The following NUP107 variants were observed in gnomAD, a reference collection of about 807,000 sequenced individuals.
NUP107 encodes nucleoporin 107, also known as nuclear pore complex protein Nup107.
A neutral mutation model predicts 141.0 loss-of-function variants in NUP107; 101 were observed. The observed-to-expected ratio is 0.72, with a 90% confidence interval of 0.61 to 0.84. The LOEUF (loss-of-function observed/expected upper bound fraction) is 0.84, where lower values mean the gene tolerates loss of function less well. Ranked by LOEUF, NUP107 falls within the 40% of genes least tolerant of loss-of-function variation. The pLI is 0.00. For synonymous variants in NUP107, 319 were observed against 363.9 expected, an observed-to-expected ratio of 0.88 and a Z score of 1.41; for missense variants, 941 against 1,102.7, an observed-to-expected ratio of 0.85 and a Z score of 2.08.
Position 68,690,891 on chromosome 12 carries a change from T to A in NUP107, c.303+145T>A, listed in dbSNP as rs1875752526. On this transcript the variant is annotated intron_variant, in intron 4 of 27. Coordinates refer to ENST00000229179, the MANE Select transcript of NUP107 (RefSeq NM_020401.4). Reference sequence around the variant, plus strand: ...AGTCAGGAGTTTGAGACTAGCCTGCTTAGCATGATAAAACCCTGTCTCTAC... The same window carrying A: ...AGTCAGGAGTTTGAGACTAGCCTGCATAGCATGATAAAACCCTGTCTCTAC... 3 of 712,008 alleles carry A rather than the reference T, an allele frequency of 4.2e-6. No homozygotes were observed. The South Asian group carries it at 6.0e-5, about 14-fold the overall frequency. 44.1% of individuals were successfully genotyped at this position (712,008 alleles called of 1,614,324 possible). A position where few individuals can be genotyped will look rare whatever the true frequency, so the allele number is the denominator to read the frequency against.
rs1565692864 is a variant in NUP107 at position 68,710,052 on chromosome 12, A to G, written c.849A>G (p.Glu283=). The change falls in exon 10 of 28, where the codon GAA becomes GAG. Residue 283 remains glutamate (E), a synonymous_variant. Coordinates refer to ENST00000229179, the MANE Select transcript of NUP107 (RefSeq NM_020401.4). The part of the protein sequence containing the change: ...LESIAKDEIG[E]FSDNIEFYAK... ...GTATTGCCAAAGATGAAATTGGAGAATTTTCTGATAATATTGAGTTTTATG... is the reference window on the plus strand; with the variant it reads ...GTATTGCCAAAGATGAAATTGGAGAGTTTTCTGATAATATTGAGTTTTATG... 4 of 1,598,092 alleles carry G rather than the reference A, an allele frequency of 2.5e-6. No homozygotes were observed. In the East Asian group the frequency reaches 9.0e-5, roughly 36 times the overall value.
At chr12:68,709,888 C>CAA (rs61024131) in intron 9 of NUP107, 117 bp from the exon 10 acceptor site, 2,840 of 486,620 alleles carry the variant, frequency 5.8e-3, no homozygotes, top group South Asian at 0.014. Flanking sequence ...GACTCTTTCT[C>CAA]AAAAAAAAAA....
chr12:68,722,130 A>C lies in NUP107; in HGVS notation c.1484A>C (p.Glu495Ala). ...ANWTLEKVFE[E>A]LQATDKKRVL... is the part of the protein sequence containing the mutation. ...TGGACGTTAGAAAAGGTTTTTGAGG[A>C]ACTTCAAGCTACTGACAAAAAGGTA... is the stretch of plus-strand genomic sequence containing the variant. The change falls in exon 17 of 28, where the codon GAA (glutamate) becomes GCA (alanine). Residue 495 changes from glutamate (E) to alanine (A), a missense_variant. Coordinates refer to ENST00000229179, the MANE Select transcript of NUP107 (RefSeq NM_020401.4). 6.2e-7 allele frequency: 1 copy of C among 1,613,712 alleles called. No homozygotes were observed. Among genetic ancestry groups the C allele is most frequent in the Non-Finnish European group, 8.5e-7 (1 of 1,179,850 alleles).
At chr12:68,713,434 G>T (rs1441610047) in intron 10 of NUP107, among the ~76,000 whole-genome samples, 2 of 150,968 alleles carry the variant, frequency 1.3e-5, no homozygotes, top group South Asian at 2.1e-4. Flanking sequence ...CCACAGACTG[G>T]GATGTGTAGT....
At chr12:68,701,511 G>C (rs977248777) in intron 7 of NUP107, among the ~76,000 whole-genome samples, 1 of 151,868 alleles carries the variant, frequency 6.6e-6, no homozygotes, top group Non-Finnish European at 1.5e-5. Context: ...GTAGAACGCT[G>C]TCTCTACTAA....
intron 7 of NUP107, 33 bp downstream of exon 7, chr12:68,700,886 A>C: frequency 6.6e-7 from 1 of 1,522,680 alleles, no homozygotes. Flanking sequence ...AGTGAAATAA[A>C]CATAAGGTAA....
chr12:68,689,155 A>G, intron 2 of NUP107, 102 bp downstream of exon 2: 1 of 840,572 alleles, frequency 1.2e-6, no homozygotes, highest in Non-Finnish European at 1.8e-6. Context: ...TAGCTATAAT[A>G]AAATCCTGTA....
chr12:68,724,810 C>T (rs1202037042), intron 17 of NUP107, among the ~76,000 whole-genome samples: 2 of 151,874 alleles, frequency 1.3e-5, no homozygotes, highest in Admixed American at 6.6e-5. Context: ...AAAAAAACCA[C>T]ACTGAAAGCA....
rs771067571 is a variant in NUP107, at chr12:68,735,231, A to T, written c.2389A>T (p.Met797Leu). 1 of 1,601,492 alleles carries T rather than the reference A, an allele frequency of 6.2e-7. No homozygotes were observed. The highest frequency in any genetic ancestry group is 1.3e-5 in the African/African-American group (1 of 74,636). Residue 797 changes from methionine (M) to leucine (L), a missense_variant and splice_region_variant, in exon 26 of 28, where the codon ATG becomes TTG. Transcript: ENST00000229179. The part of the protein sequence containing the change: ...AHEHKEKKYE[M>L]DFGIWKGHLD... ...TGTCTGCCTTGTGTTTGTTTTGCAGATGGATTTTGGTATTTGGAAAGGGCA... is the reference window on the plus strand; with the variant it reads ...TGTCTGCCTTGTGTTTGTTTTGCAGTTGGATTTTGGTATTTGGAAAGGGCA...
chr12:68,714,438 C>G (rs914760562), intron 11 of NUP107: 7 of 152,200 alleles, frequency 4.6e-5, no homozygotes, highest in African/African-American at 1.7e-4. Flanking sequence ...CAGGCAACAG[C>G]TGAAAATCGT....
rs191080696 is a variant in NUP107 at position 68,711,507 on chromosome 12, G to A, written c.890+1414G>A. ...GCCAAGATCGCTCCACTGCACTCCA[G>A]CCTGGGTGACAGAGCGAGACTCCAC... On this transcript the variant is annotated intron_variant, in intron 10 of 27. Transcript: ENST00000229179. 1.4e-4 allele frequency among the ~76,000 whole-genome samples: 21 copies of A among 150,932 alleles called. No homozygotes were observed. The East Asian group carries it at 3.7e-3, about 26-fold the overall frequency.
In NUP107 at chr12:68,742,582, CT is replaced by C; in HGVS notation, c.*124del. The C allele has an allele frequency of 1.9e-6, 1 of 514,640 alleles. No individual in the cohort carries two copies. Among genetic ancestry groups the C allele is most frequent in the South Asian group, 3.4e-5 (1 of 29,424 alleles). The allele number at this position is 514,640 out of a possible 1,614,324, so 31.9% of individuals were successfully genotyped here. On this transcript the variant is annotated 3_prime_UTR_variant, in exon 28 of 28. Transcript: ENST00000229179. Reference sequence around the variant, plus strand: ...AAAATTTAGACATTTGAATTTTGTACTTTTCAGAATATTATCGTGACACTTT... The same window carrying C: ...AAAATTTAGACATTTGAATTTTGTACTTTCAGAATATTATCGTGACACTTT...
At chr12:68,731,346 AATCTT>A in intron 21 of NUP107, 86 bp downstream of exon 21, 1 of 1,326,528 alleles carries the variant, frequency 7.5e-7, no homozygotes, top group South Asian at 1.8e-5. Flanking sequence ...TATAGTTTTA[AATCTT>A]ATTTCTGTTG....
rs900985623 is a variant in NUP107 at position 68,744,711 on chromosome 12, G to A, written c.*2249G>A. 29 of 152,228 alleles carry A rather than the reference G, an allele frequency of 1.9e-4. No homozygotes were observed. The highest frequency in any genetic ancestry group is 6.0e-4 in the African/African-American group (25 of 41,450). The allele number at this position is 152,228 out of a possible 1,614,324, so 9.4% of individuals were successfully genotyped here. On this transcript the variant is annotated 3_prime_UTR_variant, in exon 28 of 28. Transcript: ENST00000229179. ...TTGGACTCCTTTGAGTCCTTAGGGAGTCAATGTGTGTGTTGCTGCTTATTT... is the reference window on the plus strand; with the variant it reads ...TTGGACTCCTTTGAGTCCTTAGGGAATCAATGTGTGTGTTGCTGCTTATTT...
At position 68,686,992 on chromosome 12, in the gene NUP107, C is replaced by T. The variant is rs1307086336; in HGVS notation, c.-74C>T. ...GCTTCCGGGTCGAAGGGCTTGCTTC[C>T]GGAGAGCGGGAAGGCTAAAACGCGG... On this transcript the variant is annotated 5_prime_UTR_variant, in exon 1 of 28. Coordinates refer to ENST00000229179, the MANE Select transcript of NUP107 (RefSeq NM_020401.4). 1.3e-6 allele frequency: 2 copies of T among 1,599,576 alleles called. No individual in the cohort carries two copies. The highest frequency in any genetic ancestry group is 1.7e-5 in the Admixed American group (1 of 59,882).
At chr12:68,726,453 T>C (rs750571615) in intron 18 of NUP107, 46 bp from the exon 19 acceptor site, 2 of 1,246,578 alleles carry the variant, frequency 1.6e-6, no homozygotes, top group Non-Finnish European at 2.3e-6. Context: ...ATTTTTTTCT[T>C]TTGATTTTAT....
chr12:68,717,660 A>G (rs1211713003), intron 12 of NUP107, among the ~76,000 whole-genome samples: 4 of 152,194 alleles, frequency 2.6e-5, no homozygotes, highest in Non-Finnish European at 5.9e-5. Context: ...TATATGCAGT[A>G]ACGCCTCATT....
intron 10 of NUP107, 97 bp from the exon 11 acceptor site, chr12:68,713,633 G>C (rs1876972072): frequency 2.4e-6 from 2 of 841,340 alleles, no homozygotes; most frequent in East Asian, 2.5e-5. Flanking sequence ...TACTGGGATT[G>C]TAGTCTGTCT....
intron 17 of NUP107, 65 bp from the exon 18 acceptor site, chr12:68,725,662 C>A: frequency 2.5e-6 from 2 of 787,368 alleles, no homozygotes; most frequent in Non-Finnish European, 4.2e-6. Flanking sequence ...TTTAGTTTAA[C>A]AGTGAATATA....
Sources: gnomAD v4.1 joint callset for allele counts (sites outside exome capture counted in the v4.1 genomes callset) on GRCh38, gnomAD v4.1.1 for gene constraint, MANE v1.5 for transcripts, NCBI Gene and HGNC (gene_info 2026-07-23, HGNC 2026-07-21) for gene names.